TNIK: variants seen among roughly 807,000 people sequenced by gnomAD.
TNIK encodes the protein TRAF2 and NCK-interacting protein kinase.
A neutral mutation model predicts 191.3 loss-of-function variants in TNIK; 49 were observed. The ratio of observed to expected loss-of-function variants is 0.26; its 90% CI spans 0.20 to 0.32. The LOEUF (loss-of-function observed/expected upper bound fraction) is 0.32. Ranked by LOEUF, TNIK falls within the 10% of genes least tolerant of loss-of-function variation. The pLI, the probability that TNIK is intolerant of heterozygous loss-of-function variation, is 1.00. For synonymous variants in TNIK, 594 were observed against 600.9 expected, an observed-to-expected ratio of 0.99 and a Z score of 0.17; for missense variants, 1,155 against 1,702.3, an observed-to-expected ratio of 0.68 and a Z score of 5.66.
intron 2 of TNIK, among the ~76,000 whole-genome samples, chr3:171,354,155 A>G (rs1713655438): frequency 6.6e-6 from 1 of 152,184 alleles, no homozygotes. Context: ...TATATATGTA[A>G]TATATATGTA....
chr3:171,356,001 CT>C (rs1713997338), intron 2 of TNIK, among the ~76,000 whole-genome samples: 2 of 152,124 alleles, frequency 1.3e-5, no homozygotes, highest in African/African-American at 4.8e-5. Context: ...GGCCTTCCCC[CT>C]GCTTGGAATA....
intron 2 of TNIK, among the ~76,000 whole-genome samples, chr3:171,304,092 T>C (rs970427499): frequency 4.0e-4 from 61 of 151,874 alleles, no homozygotes; most frequent in African/African-American, 1.5e-3. Flanking sequence ...AGAGGAATTA[T>C]GTAAAAAGAG....
intron 1 of TNIK, among the ~76,000 whole-genome samples, chr3:171,444,088 A>G (rs1412342031): frequency 6.6e-6 from 1 of 152,204 alleles, no homozygotes; most frequent in Non-Finnish European, 1.5e-5. Context: ...TAAAATTTTC[A>G]TGCACGCTCA....
chr3:171,396,616 G>T (rs74699555), intron 1 of TNIK, among the ~76,000 whole-genome samples: 2,197 of 152,254 alleles, frequency 0.014, 56 homozygotes, highest in African/African-American at 0.049. Context: ...TCAGCCAACA[G>T]CAGGCCCTCA....
chr3:171,296,339 C>T (rs1752286122), intron 2 of TNIK, among the ~76,000 whole-genome samples: 1 of 152,136 alleles, frequency 6.6e-6, no homozygotes. Flanking sequence ...AAAAAGGGCA[C>T]CTGATACTAA....
intron 1 of TNIK, among the ~76,000 whole-genome samples, chr3:171,394,284 T>C (rs1193803446): frequency 6.6e-6 from 1 of 152,236 alleles, no homozygotes; most frequent in Non-Finnish European, 1.5e-5. Flanking sequence ...TGCCAAATTA[T>C]AAATTTTCCT....
At chr3:171,349,953 G>A (rs1217863405) in intron 2 of TNIK, among the ~76,000 whole-genome samples, 2 of 152,084 alleles carry the variant, frequency 1.3e-5, no homozygotes, top group Admixed American at 6.5e-5. Flanking sequence ...TGTTTTTAGT[G>A]GCCAATGAAA....
intron 1 of TNIK, among the ~76,000 whole-genome samples, chr3:171,374,348 G>T (rs1201644480): frequency 1.3e-5 from 2 of 152,200 alleles, no homozygotes; most frequent in Admixed American, 6.5e-5. Flanking sequence ...GCATTGAGAA[G>T]ACAGGCTGTC....
chr3:171,150,481 C>T (rs1249153650), intron 12 of TNIK, among the ~76,000 whole-genome samples: 3 of 152,176 alleles, frequency 2.0e-5, no homozygotes, highest in Non-Finnish European at 4.4e-5. Flanking sequence ...GTTATTCACT[C>T]AGCACAAGAT....
chr3:171,412,767 T>A (rs543604982), intron 1 of TNIK, among the ~76,000 whole-genome samples: 1 of 152,362 alleles, frequency 6.6e-6, no homozygotes, highest in Admixed American at 6.5e-5. Flanking sequence ...CTAAACTTTC[T>A]GAGCTTCAGT....
At chr3:171,318,395 T>C (rs35305738) in intron 2 of TNIK, among the ~76,000 whole-genome samples, 3,299 of 152,282 alleles carry the variant, frequency 0.022, 55 homozygotes, top group Middle Eastern at 0.041. Flanking sequence ...TTTTATTTAC[T>C]AATGGTCTTA....
intron 2 of TNIK, among the ~76,000 whole-genome samples, chr3:171,359,030 A>G (rs1481819067): frequency 6.6e-6 from 1 of 152,144 alleles, no homozygotes; most frequent in African/African-American, 2.4e-5. Flanking sequence ...AGTTCTGGAG[A>G]TGGGTAGTGG....
intron 12 of TNIK, among the ~76,000 whole-genome samples, chr3:171,148,637 A>G (rs932289144): frequency 1.3e-5 from 2 of 152,118 alleles, no homozygotes; most frequent in African/African-American, 2.4e-5. Flanking sequence ...AGAGAGGGCC[A>G]CTCCAGTACT....
At position 171,196,879 on chromosome 3, in the gene TNIK, C is replaced by T. The variant is rs111719462; in HGVS notation, c.307-2244G>A. On this transcript the variant is annotated intron_variant, in intron 4 of 32. Coordinates refer to ENST00000436636, the MANE Select transcript of TNIK (RefSeq NM_015028.4). Reference sequence around the variant, plus strand: ...ACACCATTCTCCTGCCTCAGCCTCTCGAGTAGCTGGGACTACAGGCACCCG... The same window carrying T: ...ACACCATTCTCCTGCCTCAGCCTCTTGAGTAGCTGGGACTACAGGCACCCG... 5.2e-3 allele frequency among the ~76,000 whole-genome samples: 784 copies of T among 152,118 alleles called. 6 individuals are homozygous for T. The highest frequency in any genetic ancestry group is 0.012 in the Admixed American group (185 of 15,280).
chr3:171,401,771 A>AAGAGCAAGG (rs1410916990), intron 1 of TNIK, among the ~76,000 whole-genome samples: 1 of 152,208 alleles, frequency 6.6e-6, no homozygotes, highest in Non-Finnish European at 1.5e-5. Context: ...TTTGGCATGA[A>AAGAGCAAGG]AGAGCAAGGA....
intron 22 of TNIK, among the ~76,000 whole-genome samples, chr3:171,095,545 ATTGT>A (rs1722601207): frequency 6.6e-6 from 1 of 151,996 alleles, no homozygotes; most frequent in African/African-American, 2.4e-5. Context: ...TTTTATTTTC[ATTGT>A]TTCTTATATA....
rs141728799 is a variant in TNIK, at chr3:171,228,861, G to A, written c.124-640C>T. On this transcript the variant is annotated intron_variant, in intron 2 of 32. Coordinates refer to ENST00000436636, the MANE Select transcript of TNIK (RefSeq NM_015028.4). ...CAGAAACGAGTAGGGAGCGCCAAGG[G>A]GGCACTCTCAGAAGAGAATTATTTT... is the stretch of plus-strand genomic sequence containing the variant. Among the ~76,000 whole-genome samples the A allele has an allele frequency of 5.1e-3, 775 of 152,210 alleles. 6 individuals carry two copies. Among genetic ancestry groups the A allele is most frequent in the Non-Finnish European group, 8.0e-3 (544 of 68,012 alleles).
At chr3:171,446,476 T>C (rs1041600334) in intron 1 of TNIK, among the ~76,000 whole-genome samples, 1 of 152,160 alleles carries the variant, frequency 6.6e-6, no homozygotes, top group Non-Finnish European at 1.5e-5. Flanking sequence ...GAGGATTAGG[T>C]TATAAACTGT....
At chr3:171,072,696 CTT>C (rs1431091783) in intron 28 of TNIK, among the ~76,000 whole-genome samples, 1 of 152,134 alleles carries the variant, frequency 6.6e-6, no homozygotes, top group African/African-American at 2.4e-5. Context: ...CCAAAAGACT[CTT>C]AGTGCTGATA....
Sources: allele counts gnomAD v4.1 joint callset (sites outside exome capture counted in the v4.1 genomes callset), GRCh38; gene constraint gnomAD v4.1.1; transcripts MANE v1.5; gene names NCBI Gene and HGNC (gene_info 2026-07-23, HGNC 2026-07-21).